Variants in KMT2E observed in about 807,000 individuals in gnomAD.
KMT2E encodes the protein lysine methyltransferase 2E (inactive).
KMT2E carries 30 observed loss-of-function variants against 184.6 expected under a neutral mutation model. The observed-to-expected ratio is 0.16, with a 90% confidence interval of 0.12 to 0.22. KMT2E has a LOEUF of 0.22. KMT2E is among the 10% of genes least tolerant of loss of function. The probability of loss-of-function intolerance (pLI) is 1.00; values close to 1 mark genes in which losing one functional copy is unlikely to be tolerated. For missense variants in KMT2E, 2,023 were observed against 2,237.4 expected, an observed-to-expected ratio of 0.90 and a Z score of 1.93; for synonymous variants, 815 against 776.5, an observed-to-expected ratio of 1.05 and a Z score of -0.82.
intron 5 of KMT2E, among the ~76,000 whole-genome samples, chr7:105,064,476 C>T (rs961088022): frequency 4.6e-5 from 7 of 151,876 alleles, no homozygotes; most frequent in African/African-American, 1.7e-4. Flanking sequence ...GTAATATTAT[C>T]CCCATCTATT....
chr7:105,035,208 A>G (rs1293354512), intron 1 of KMT2E, among the ~76,000 whole-genome samples: 2 of 135,302 alleles, frequency 1.5e-5, no homozygotes, highest in African/African-American at 2.8e-5. Context: ...TTTTTTTTGT[A>G]TTTTTAGTAG....
At chr7:105,022,773 G>A (rs1004983635) in intron 1 of KMT2E, among the ~76,000 whole-genome samples, 28 of 151,786 alleles carry the variant, frequency 1.8e-4, no homozygotes, top group Middle Eastern at 3.2e-3. Context: ...CTTTACTTGG[G>A]TACATACATA....
intron 9 of KMT2E, among the ~76,000 whole-genome samples, 184 bp downstream of exon 9, chr7:105,076,265 T>G (rs1797522875): frequency 6.6e-6 from 1 of 152,148 alleles, no homozygotes; most frequent in African/African-American, 2.4e-5. Context: ...GTTAACACTG[T>G]TAAAATATTA....
intron 15 of KMT2E, among the ~76,000 whole-genome samples, chr7:105,094,765 TGA>T (rs749328545): frequency 1.7e-3 from 262 of 152,322 alleles, no homozygotes; most frequent in Admixed American, 3.7e-3. Flanking sequence ...TAAGATATTT[TGA>T]GAGAGATATC....
intron 1 of KMT2E, among the ~76,000 whole-genome samples, chr7:105,023,538 G>A (rs1176478668): frequency 3.3e-5 from 5 of 149,518 alleles, no homozygotes; most frequent in Non-Finnish European, 7.4e-5. Context: ...TCCGCCTTCC[G>A]GGTTCATGCC....
Position 105,077,166 on chromosome 7 carries a change from C to A in KMT2E, c.972C>A (p.Asn324Lys). Residue 324 changes from asparagine to lysine, a missense_variant, in exon 10 of 27, where the codon AAC (asparagine) becomes AAA (lysine). By Grantham distance (94) the Asn-to-Lys change is moderately conservative. This residue lies in a region of KMT2E where 191 missense variants were observed against 209.0 expected (regional missense o/e 0.91). Coordinates refer to ENST00000311117, the MANE Select transcript of KMT2E (RefSeq NM_182931.3). ...TGAATAAATCCGATTTGAATACCAA[C>A]AATTTGCTCTTCAAACCTCCTGTAG... ...KEMNKSDLNT[N>K]NLLFKPPVES... 6.2e-7 allele frequency: 1 copy of A among 1,613,818 alleles called. No individual in the cohort carries two copies. Among genetic ancestry groups the A allele is most frequent in the Non-Finnish European group, 8.5e-7 (1 of 1,179,816 alleles).
At chr7:105,075,825 G>A (rs887606319) in intron 8 of KMT2E, among the ~76,000 whole-genome samples, 5 of 151,912 alleles carry the variant, frequency 3.3e-5, no homozygotes, top group African/African-American at 7.2e-5. Flanking sequence ...TAGCTGGGAC[G>A]ACAGGTGCCC....
rs1472010790 is a variant in KMT2E, at chr7:105,110,618, A to AC, written c.3970+18dup. 5.0e-6 allele frequency: 8 copies of AC among 1,613,890 alleles called. No homozygotes were observed. Among genetic ancestry groups the AC allele is most frequent in the Non-Finnish European group, 6.8e-6 (8 of 1,179,936 alleles). On this transcript the variant is annotated intron_variant, in intron 25 of 26. Coordinates refer to ENST00000311117, the MANE Select transcript of KMT2E (RefSeq NM_182931.3). ...CTTATGGAAGGTCAGTAAGCAGATG[A>AC]CCGATAATGTTATTCTTAACAAATT...
chr7:105,046,110 G>A (rs925882138), intron 3 of KMT2E, among the ~76,000 whole-genome samples: 1 of 152,010 alleles, frequency 6.6e-6, no homozygotes, highest in Non-Finnish European at 1.5e-5. Flanking sequence ...AGACCACTTA[G>A]ATGTTCTGTG....
intron 6 of KMT2E, among the ~76,000 whole-genome samples, chr7:105,067,306 G>C (rs1250881941): frequency 6.6e-6 from 1 of 151,564 alleles, no homozygotes; most frequent in African/African-American, 2.4e-5. Flanking sequence ...TTTTTAACTG[G>C]AATGCGCTAT....
At chr7:105,051,950 T>G (rs893916855) in intron 3 of KMT2E, among the ~76,000 whole-genome samples, 1 of 152,178 alleles carries the variant, frequency 6.6e-6, no homozygotes, top group Admixed American at 6.5e-5. Flanking sequence ...ATCCAGGCCC[T>G]TGTAATCTCT....
chr7:105,027,365 G>T (rs1443052503), intron 1 of KMT2E, among the ~76,000 whole-genome samples: 1 of 152,144 alleles, frequency 6.6e-6, no homozygotes, highest in Non-Finnish European at 1.5e-5. Flanking sequence ...GCTGGAAGGT[G>T]AAAGTGAGTG....
At chr7:105,046,099 T>C (rs1013978637) in intron 3 of KMT2E, among the ~76,000 whole-genome samples, 2 of 152,184 alleles carry the variant, frequency 1.3e-5, no homozygotes, top group Middle Eastern at 3.2e-3. Context: ...TCTGCATTAC[T>C]AGACCACTTA....
chr7:105,103,134 G>C (rs1223761385), intron 17 of KMT2E: 1 of 152,062 alleles, frequency 6.6e-6, no homozygotes, highest in Non-Finnish European at 1.5e-5. Flanking sequence ...TTTGTAAAGT[G>C]AAAAGAAAAA....
In KMT2E at chr7:105,090,120, A is replaced by G. The variant is rs1348356486; in HGVS notation, c.1470A>G (p.Lys490=). 1.9e-6 allele frequency: 3 copies of G among 1,613,542 alleles called. No homozygotes were observed. The South Asian group carries it at 3.3e-5, about 18-fold the overall frequency. The part of the protein sequence containing the change: ...NINSGYETRR[K]KGKKDKDISK... The stretch of plus-strand genomic sequence containing the variant: ...ATAGTGGTTATGAGACCAGACGGAA[A>G]AAAGGAAAAAAAGACAAAGATATTT... Residue 490 remains lysine, a synonymous_variant, in exon 14 of 27, where the codon AAA becomes AAG. Coordinates refer to ENST00000311117, the MANE Select transcript of KMT2E (RefSeq NM_182931.3).
chr7:105,063,842 A>G (rs1445863875), intron 5 of KMT2E: 6 of 487,154 alleles, frequency 1.2e-5, no homozygotes, highest in South Asian at 6.6e-5. Context: ...ACTTAGTTCA[A>G]TAGTAGTACA....
At chr7:105,036,625 C>G (rs1795671584) in intron 1 of KMT2E, among the ~76,000 whole-genome samples, 1 of 152,138 alleles carries the variant, frequency 6.6e-6, no homozygotes, top group Non-Finnish European at 1.5e-5. Context: ...TGCACCTATA[C>G]CATAGGCTTA....
intron 3 of KMT2E, 109 bp from the exon 4 acceptor site, chr7:105,062,055 G>A (rs1796833641): frequency 2.7e-6 from 2 of 731,220 alleles, no homozygotes; most frequent in African/African-American, 3.5e-5. Flanking sequence ...AGTAGATACT[G>A]TATTTGTATA....
At chr7:105,042,223 T>A (rs1344529031) in intron 3 of KMT2E, among the ~76,000 whole-genome samples, 1 of 152,092 alleles carries the variant, frequency 6.6e-6, no homozygotes, top group Non-Finnish European at 1.5e-5. Flanking sequence ...ACTCCTGGGC[T>A]CAAGCGATCT....
Sources: gnomAD v4.1 joint callset for allele counts (sites outside exome capture counted in the v4.1 genomes callset) on GRCh38, gnomAD v4.1.1 for gene constraint, gnomAD v4.1.1 regional missense constraint, MANE v1.5 for transcripts, NCBI Gene and HGNC (gene_info 2026-07-23, HGNC 2026-07-21) for gene names.